CTNS: variants seen among roughly 807,000 people sequenced by gnomAD.
CTNS encodes cystinosin.
A neutral mutation model predicts 43.7 loss-of-function variants in CTNS; 27 were observed. The observed-to-expected ratio is 0.62, with a 90% CI of 0.46 to 0.85. The LOEUF is 0.85. Among genes scored for constraint, CTNS ranks in the 40% least tolerant of loss-of-function variants. The pLI is 0.00. For synonymous variants in CTNS, 187 were observed against 190.6 expected, an observed-to-expected ratio of 0.98 and a Z score of 0.16; for missense variants, 457 against 475.4, an observed-to-expected ratio of 0.96 and a Z score of 0.36.
rs192427754 is a variant in CTNS, at chr17:3,638,914, G to A, written c.-19-1274G>A. Among the ~76,000 whole-genome samples the A allele has an allele frequency of 2.8e-4, 42 of 152,290 alleles. No homozygotes were observed. The East Asian group carries it at 5.0e-3, about 18-fold the overall frequency. On this transcript the variant is annotated intron_variant, in intron 2 of 11. Coordinates refer to ENST00000046640, the MANE Select transcript of CTNS (RefSeq NM_004937.3). Reference sequence around the variant, plus strand: ...CCAGAGGAGGCCAGAGAGTAGGTACGGGGTCATTCCCGGCCGGTGAGAAGG... The same window carrying A: ...CCAGAGGAGGCCAGAGAGTAGGTACAGGGTCATTCCCGGCCGGTGAGAAGG...
intron 3 of CTNS, among the ~76,000 whole-genome samples, chr17:3,643,319 CA>C (rs978532289): frequency 6.7e-6 from 1 of 149,570 alleles, no homozygotes; most frequent in Admixed American, 6.7e-5. Flanking sequence ...GTCTCAAAAA[CA>C]AAAAAAAATG....
At chr17:3,651,161 C>T (rs1233037000) in intron 5 of CTNS, among the ~76,000 whole-genome samples, 1 of 151,968 alleles carries the variant, frequency 6.6e-6, no homozygotes, top group Non-Finnish European at 1.5e-5. Flanking sequence ...ATGGCGCAAT[C>T]TCAGCTCACC....
rs769666218 is a variant in CTNS, at chr17:3,655,091, A to C, written c.319A>C (p.Asn107His). The C allele has an allele frequency of 1.4e-5, 23 of 1,614,018 alleles. No individual in the cohort carries two copies. The Middle Eastern group carries it at 6.6e-4, about 46-fold the overall frequency. ...TGTTTATCTACATGGAAATCACTCC[A>C]ATCAGACCGGGTAGGCTGGCCTCAG... ...LTVYLHGNHS[N>H]QTGPRIRFLV... Residue 107 changes from asparagine to histidine, a missense_variant, in exon 6 of 12, where the codon AAT becomes CAT. Asn to His is a moderately conservative substitution (Grantham distance 68). Transcript: ENST00000046640.
rs546549031 is a variant in CTNS at position 3,650,247 on chromosome 17, T to A, written c.225+1316T>A. The stretch of plus-strand genomic sequence containing the variant: ...GAGGCACATCAAGATGGGCTGCAAA[T>A]CAGCTCTGAGCCCCCTAGGAAGCAA... On this transcript the variant is annotated intron_variant, in intron 5 of 11. Coordinates refer to ENST00000046640, the MANE Select transcript of CTNS (RefSeq NM_004937.3). 3.2e-5 allele frequency: 49 copies of A among 1,550,512 alleles called. 1 individual carries two copies. The highest frequency in any genetic ancestry group is 4.1e-5 in the Non-Finnish European group (47 of 1,146,992).
At position 3,656,475 on chromosome 17, in the gene CTNS, C is replaced by T. The variant is rs761996846; in HGVS notation, c.462-12C>T. Reference sequence around the variant, plus strand: ...CACCCCCTGCCCTGTCTTGTCCCTCCACCCCCTGCAGTGTCATTGGTCTGA... The same window carrying T: ...CACCCCCTGCCCTGTCTTGTCCCTCTACCCCCTGCAGTGTCATTGGTCTGA... On this transcript the variant is annotated splice_polypyrimidine_tract_variant and intron_variant, in intron 7 of 11. Transcript: ENST00000046640. 13 of 1,577,686 alleles carry T rather than the reference C, an allele frequency of 8.2e-6. No individual in the cohort carries two copies. The highest frequency in any genetic ancestry group is 1.0e-5 in the Non-Finnish European group (12 of 1,167,664).
intron 10 of CTNS, among the ~76,000 whole-genome samples, chr17:3,659,279 C>T (rs114092621): frequency 2.1e-3 from 313 of 152,042 alleles, no homozygotes; most frequent in African/African-American, 6.6e-3. Flanking sequence ...CAGACTGGGG[C>T]GCATCCCCGC....
At chr17:3,652,560 C>T (rs1432092972) in intron 5 of CTNS, among the ~76,000 whole-genome samples, 1 of 152,078 alleles carries the variant, frequency 6.6e-6, no homozygotes, top group Non-Finnish European at 1.5e-5. Context: ...CCATTGCACT[C>T]CAGCCTGGGT....
chr17:3,637,667 A>C (rs1029692536), intron 2 of CTNS, among the ~76,000 whole-genome samples: 4 of 151,944 alleles, frequency 2.6e-5, no homozygotes, highest in African/African-American at 9.7e-5. Context: ...GGGATTCACC[A>C]TGTTGGCCAG....
In CTNS at chr17:3,640,636, G is replaced by C. The variant is rs148008326; in HGVS notation, c.61+369G>C. ...GGCTCAGGCTGGAGCAGTGGCTCACGCCTATAATTCCAGAGCTTTGGGAGG... is the reference window on the plus strand; with the variant it reads ...GGCTCAGGCTGGAGCAGTGGCTCACCCCTATAATTCCAGAGCTTTGGGAGG... On this transcript the variant is annotated intron_variant, in intron 3 of 11. Coordinates refer to ENST00000046640, the MANE Select transcript of CTNS (RefSeq NM_004937.3). 3.2e-3 allele frequency among the ~76,000 whole-genome samples: 490 copies of C among 152,378 alleles called. 3 individuals carry two copies. The highest frequency in any genetic ancestry group is 0.011 in the South Asian group (51 of 4,834).
intron 5 of CTNS, 151 bp from the exon 6 acceptor site, chr17:3,654,847 A>C (rs2076086386): frequency 1.4e-6 from 1 of 729,176 alleles, no homozygotes; most frequent in Non-Finnish European, 2.5e-6. Flanking sequence ...TGGTGGGCGC[A>C]GCGTCTCTCC....
rs2076285907 is a variant in CTNS, at chr17:3,662,086, G to C, written c.*1717G>C. On this transcript the variant is annotated 3_prime_UTR_variant, in exon 12 of 12. Coordinates refer to ENST00000046640, the MANE Select transcript of CTNS (RefSeq NM_004937.3). ...AGCACTTTGGGAGGCCAAGGCAGATGGATCACCTGACATCAGGAGTTCGAG... is the reference window on the plus strand; with the variant it reads ...AGCACTTTGGGAGGCCAAGGCAGATCGATCACCTGACATCAGGAGTTCGAG... 6.6e-6 allele frequency among the ~76,000 whole-genome samples: 1 copy of C among 152,132 alleles called. No homozygotes were observed. Among genetic ancestry groups the C allele is most frequent in the African/African-American group, 2.4e-5 (1 of 41,432 alleles).
chr17:3,638,179 A>G (rs1182227475), intron 2 of CTNS, among the ~76,000 whole-genome samples: 5 of 151,826 alleles, frequency 3.3e-5, no homozygotes, highest in Non-Finnish European at 7.4e-5. Flanking sequence ...CTTCATTTCT[A>G]TCTTGTAGCT....
At chr17:3,652,541 G>A (rs981206619) in intron 5 of CTNS, among the ~76,000 whole-genome samples, 55 of 152,104 alleles carry the variant, frequency 3.6e-4, no homozygotes, top group Admixed American at 8.5e-4. Context: ...GCAGCGAGCC[G>A]AAATCATGCC....
At position 3,647,707 on chromosome 17, in the gene CTNS, C is replaced by T. The variant is rs2075877675; in HGVS notation, c.140+185C>T. ...GCAGGATGGGATCGCAAAGGCTGAC[C>T]CCCACCCTGAGTCCTCACTTTCCCT... On this transcript the variant is annotated intron_variant, in intron 4 of 11. Transcript: ENST00000046640. The T allele has an allele frequency of 6.2e-6, 4 of 643,492 alleles. No homozygotes were observed. In the South Asian group the frequency reaches 7.0e-5, roughly 11 times the overall value. 39.9% of individuals were successfully genotyped at this position (643,492 alleles called of 1,614,324 possible).
chr17:3,655,838 T>C, intron 7 of CTNS: 1 of 254,584 alleles, frequency 3.9e-6, no homozygotes, highest in Non-Finnish European at 7.7e-6. Flanking sequence ...GGGGGCCTCC[T>C]GACTCCCCTC....
In CTNS at chr17:3,658,013, C is replaced by G. The variant is rs2076195204; in HGVS notation, c.690C>G (p.Gly230=). The change falls in exon 10 of 12, where the codon GGC becomes GGG. Residue 230 remains glycine, a synonymous_variant. Transcript: ENST00000046640. The stretch of plus-strand genomic sequence containing the variant: ...CCTCCTCTCGCCCCCAGCGCGGTGG[C>G]CAGCGCGTGTCCTGGCCTGCCATCG... ...IVQCCLYERG[G]QRVSWPAIGF... is the part of the protein sequence containing the mutation. 1.2e-6 allele frequency: 2 copies of G among 1,609,726 alleles called. No homozygotes were observed. The highest frequency in any genetic ancestry group is 1.1e-5 in the South Asian group (1 of 91,000).
At position 3,661,138 on chromosome 17, in the gene CTNS, T is replaced by C; in HGVS notation, c.*769T>C. 3.1e-6 allele frequency: 1 copy of C among 326,772 alleles called. No homozygotes were observed. 20.2% of individuals were successfully genotyped at this position (326,772 alleles called of 1,614,324 possible). The stretch of plus-strand genomic sequence containing the variant: ...CATCTGAGCACATCCAGCTGCTCCT[T>C]ACCCAGCATCTGGAGTACAGGACAT... On this transcript the variant is annotated 3_prime_UTR_variant, in exon 12 of 12. Coordinates refer to ENST00000046640, the MANE Select transcript of CTNS (RefSeq NM_004937.3).
intron 6 of CTNS, 56 bp from the exon 7 acceptor site, chr17:3,655,165 G>A (rs992418471): frequency 6.2e-7 from 1 of 1,614,002 alleles, no homozygotes. Flanking sequence ...GGGCACGTGG[G>A]AGTCTCCTTC....
At chr17:3,660,014 G>T in intron 11 of CTNS, 39 bp downstream of exon 11, 1 of 1,562,436 alleles carries the variant, frequency 6.4e-7, no homozygotes, top group Non-Finnish European at 8.8e-7. Context: ...CCTGCGGCTG[G>T]GGCATCGGGC....
Sources: gnomAD v4.1 joint callset for allele counts (sites outside exome capture counted in the v4.1 genomes callset) on GRCh38, gnomAD v4.1.1 for gene constraint, MANE v1.5 for transcripts, NCBI Gene and HGNC (gene_info 2026-07-23, HGNC 2026-07-21) for gene names.